GRK5: variants seen among roughly 807,000 people sequenced by gnomAD.
GRK5 encodes G protein-coupled receptor kinase 5.
Under a neutral mutation model 78.4 loss-of-function variants are expected in GRK5, and 40 were observed. The observed-to-expected ratio is 0.51, with a 90% CI of 0.40 to 0.66. The LOEUF (loss-of-function observed/expected upper bound fraction) is 0.66, where lower values mean the gene tolerates loss of function less well. Among genes scored for constraint, GRK5 ranks in the 30% least tolerant of loss-of-function variants. The probability of loss-of-function intolerance (pLI) is 0.00; values close to 1 mark genes in which losing one functional copy is unlikely to be tolerated. For missense variants in GRK5, 598 were observed against 759.9 expected (o/e 0.79, Z 2.50); for synonymous variants, 289 against 296.8 (o/e 0.97, Z 0.27).
At chr10:119,413,334 C>T (rs1413785790) in intron 4 of GRK5, among the ~76,000 whole-genome samples, 1 of 151,532 alleles carries the variant, frequency 6.6e-6, no homozygotes, top group African/African-American at 2.4e-5. Context: ...CCATAAAGGA[C>T]CTTCTGGTGG....
intron 13 of GRK5, among the ~76,000 whole-genome samples, chr10:119,451,636 T>G (rs1853289542): frequency 6.6e-6 from 1 of 152,226 alleles, no homozygotes; most frequent in Admixed American, 6.5e-5. Context: ...GCTCTGCAAC[T>G]GGACACCCCT....
intron 4 of GRK5, among the ~76,000 whole-genome samples, chr10:119,397,312 A>G (rs1172352348): frequency 2.0e-5 from 3 of 152,182 alleles, no homozygotes; most frequent in Admixed American, 6.5e-5. Context: ...TCGGGGTACC[A>G]TTGTCCTCAG....
intron 1 of GRK5, among the ~76,000 whole-genome samples, chr10:119,318,191 CT>C (rs1564889224): frequency 2.6e-5 from 4 of 152,222 alleles, no homozygotes. Flanking sequence ...GAACATTAGA[CT>C]AAGAGTCAGA....
chr10:119,260,391 T>TA (rs397933421), intron 1 of GRK5, among the ~76,000 whole-genome samples: 3 of 147,628 alleles, frequency 2.0e-5, no homozygotes, highest in East Asian at 3.9e-4. Flanking sequence ...TTTTTTTTTT[T>TA]AATTCACAGA....
At chr10:119,328,075 G>A (rs1850709531) in intron 2 of GRK5, among the ~76,000 whole-genome samples, 1 of 152,212 alleles carries the variant, frequency 6.6e-6, no homozygotes, top group Non-Finnish European at 1.5e-5. Context: ...GGTGAGATGA[G>A]ACCATGTGTG....
At chr10:119,389,072 G>A (rs1479169844) in intron 3 of GRK5, among the ~76,000 whole-genome samples, 1 of 152,212 alleles carries the variant, frequency 6.6e-6, no homozygotes, top group African/African-American at 2.4e-5. Flanking sequence ...GACTTTCCTA[G>A]AGCATGAGTA....
chr10:119,442,720 T>C (rs7909704), intron 11 of GRK5, among the ~76,000 whole-genome samples: 1 of 152,244 alleles, frequency 6.6e-6, no homozygotes, highest in African/African-American at 2.4e-5. Flanking sequence ...TGCCGCCCTC[T>C]AGTCAGGCTG....
At chr10:119,303,195 G>C (rs1473799) in intron 1 of GRK5, among the ~76,000 whole-genome samples, 61,220 of 152,080 alleles carry the variant, frequency 0.4, 13,995 homozygotes, top group Non-Finnish European at 0.51. Flanking sequence ...AGAGTAAAAC[G>C]CTAGTTGGAC....
chr10:119,230,466 G>A (rs1425120635), intron 1 of GRK5, among the ~76,000 whole-genome samples: 2 of 152,084 alleles, frequency 1.3e-5, no homozygotes, highest in African/African-American at 4.8e-5. Context: ...CACGCCTTAG[G>A]ATGGCAGCAG....
intron 1 of GRK5, among the ~76,000 whole-genome samples, chr10:119,231,716 A>G (rs542899687): frequency 1.8e-4 from 27 of 151,756 alleles, no homozygotes; most frequent in Non-Finnish European, 2.5e-4. Flanking sequence ...CAAAAAAAAA[A>G]AAAAAAAGAA....
intron 4 of GRK5, among the ~76,000 whole-genome samples, chr10:119,405,017 C>T (rs1278932782): frequency 2.0e-5 from 3 of 152,158 alleles, no homozygotes; most frequent in African/African-American, 2.4e-5. Context: ...TTAATTGGGC[C>T]GGTGAGCAAC....
At chr10:119,366,397 G>A (rs566151424) in intron 2 of GRK5, among the ~76,000 whole-genome samples, 90 of 152,270 alleles carry the variant, frequency 5.9e-4, no homozygotes, top group African/African-American at 2.1e-3. Flanking sequence ...CTTAGTTGGG[G>A]AGGCAAGGCC....
chr10:119,331,215 T>C (rs1043002006), intron 2 of GRK5, among the ~76,000 whole-genome samples: 3 of 152,182 alleles, frequency 2.0e-5, no homozygotes, highest in African/African-American at 7.2e-5. Context: ...CCTGGGATGG[T>C]GTGAGGAACG....
chr10:119,287,504 A>T (rs1472793934), intron 1 of GRK5, among the ~76,000 whole-genome samples: 1 of 152,246 alleles, frequency 6.6e-6, no homozygotes, highest in Non-Finnish European at 1.5e-5. Context: ...TTAATAATTC[A>T]TCACAAATCT....
At chr10:119,377,639 G>A (rs779435709) in intron 2 of GRK5, among the ~76,000 whole-genome samples, 6 of 152,126 alleles carry the variant, frequency 3.9e-5, no homozygotes, top group Non-Finnish European at 8.8e-5. Context: ...TGTTGGAATC[G>A]CATGGTGTTT....
At position 119,398,089 on chromosome 10, in the gene GRK5, C is replaced by T. The variant is rs531491154; in HGVS notation, c.339+1317C>T. On this transcript the variant is annotated intron_variant, in intron 4 of 15. Transcript: ENST00000392870. ...CCCTGGGTAGGCACAGCTGCCCCCA[C>T]CTTGGGGGCCTTGCTATGCTCCAGA... Among the ~76,000 whole-genome samples, 9 of 152,332 alleles carry T rather than the reference C, an allele frequency of 5.9e-5. No individual in the cohort carries two copies. In the East Asian group the frequency reaches 1.7e-3, roughly 29 times the overall value.
chr10:119,236,505 C>T (rs896576300), intron 1 of GRK5, among the ~76,000 whole-genome samples: 5 of 152,188 alleles, frequency 3.3e-5, no homozygotes, highest in Non-Finnish European at 5.9e-5. Context: ...TGAGCCACTG[C>T]GCCTGGCCCC....
intron 2 of GRK5, among the ~76,000 whole-genome samples, chr10:119,373,226 T>C (rs543006428): frequency 9.2e-5 from 14 of 152,308 alleles, no homozygotes; most frequent in African/African-American, 3.4e-4. Context: ...TGCTTTAAAC[T>C]GGAGAGTATG....
rs1216774397 is a variant in GRK5, at chr10:119,380,947, G to T, written c.261+20G>T. ...TCCGTGGTAAGTTCCTGCTCCTGAG[G>T]GATGGTCCTGTGGTCCTCTGTGATC... is the stretch of plus-strand genomic sequence containing the variant. On this transcript the variant is annotated intron_variant, in intron 3 of 15. Transcript: ENST00000392870. 1.4e-6 allele frequency: 2 copies of T among 1,440,602 alleles called. No homozygotes were observed. The highest frequency in any genetic ancestry group is 3.4e-5 in the Admixed American group (2 of 59,558). The allele number at this position is 1,440,602 out of a possible 1,614,324, so 89.2% of individuals were successfully genotyped here.
Sources: gnomAD v4.1 joint callset for allele counts (sites outside exome capture counted in the v4.1 genomes callset) on GRCh38, gnomAD v4.1.1 for gene constraint, MANE v1.5 for transcripts, NCBI Gene and HGNC (gene_info 2026-07-23, HGNC 2026-07-21) for gene names.